Variants in TUBGCP6 observed in about 807,000 individuals in gnomAD.
TUBGCP6 encodes the protein gamma-tubulin complex component 6.
In TUBGCP6, 161 loss-of-function variants were observed where a neutral mutation model predicts 175.8. The observed-to-expected ratio is 0.92, with a 90% CI of 0.81 to 1.04. The LOEUF is 1.04. Among genes scored for constraint, TUBGCP6 ranks in the 50% least tolerant of loss-of-function variants. TUBGCP6 has a pLI of 0.00. For synonymous variants in TUBGCP6, 1,173 were observed against 1,030.5 expected (o/e 1.14, Z -2.65); for missense variants, 2,572 against 2,433.0 (o/e 1.06, Z -1.20).
chr22:50,222,496 A>G lies in TUBGCP6; in HGVS notation c.2367T>C (p.Ser789=). 1 of 1,613,762 alleles carries G rather than the reference A, an allele frequency of 6.2e-7. No homozygotes were observed. The highest frequency in any genetic ancestry group is 8.5e-7 in the Non-Finnish European group (1 of 1,180,006). ...LWRIQRHRLE[S]ARLRFLLEDE... is the part of the protein sequence containing the mutation. The stretch of plus-strand genomic sequence containing the variant: ...CTTCTAAGAGAAAACGAAGCCGTGC[A>G]CTCTCCAGTCGGTGCCTCTGGATTC... Residue 789 remains serine (S), a synonymous_variant, in exon 14 of 25, where the codon AGT becomes AGC. Transcript: ENST00000248846.
chr22:50,220,121 C>A, intron 16 of TUBGCP6, 106 bp from the exon 17 acceptor site: 1 of 1,548,708 alleles, frequency 6.5e-7, no homozygotes, highest in Non-Finnish European at 8.8e-7. Context: ...TCCCCCACAG[C>A]AGCCCAGGTC....
In TUBGCP6 at chr22:50,240,120, A is replaced by C. The variant is rs1243767482; in HGVS notation, c.905+84T>G. ...CACAACTGCCTGGACCCCTGAGTAC[A>C]CAACGCCCCCCACACACCCCATCCA... On this transcript the variant is annotated intron_variant, in intron 2 of 24. Coordinates refer to ENST00000248846, the MANE Select transcript of TUBGCP6 (RefSeq NM_020461.4). 1.4e-5 allele frequency: 22 copies of C among 1,574,688 alleles called. No individual in the cohort carries two copies. In the East Asian group the frequency reaches 5.1e-4, roughly 37 times the overall value.
Position 50,233,257 on chromosome 22 carries a change from TGCGTG to T in TUBGCP6, c.1116+54_1116+58del. The T allele has an allele frequency of 8.3e-6, 13 of 1,571,292 alleles. No individual in the cohort carries two copies. In the South Asian group the frequency reaches 1.4e-4, roughly 17 times the overall value. Reference sequence around the variant, plus strand: ...TTCTGCCCCATAAAGGGCTGGGCACTGCGTGGTGGAGGGCAGGCCAGCCCCACACC... The same window carrying T: ...TTCTGCCCCATAAAGGGCTGGGCACTGTGGAGGGCAGGCCAGCCCCACACC... On this transcript the variant is annotated intron_variant, in intron 3 of 24. Transcript: ENST00000248846.
Position 50,233,460 on chromosome 22 carries a change from G to A in TUBGCP6, c.972C>T (p.Cys324=), listed in dbSNP as rs201409206. 1.3e-5 allele frequency: 21 copies of A among 1,613,128 alleles called. No homozygotes were observed. Among genetic ancestry groups the A allele is most frequent in the Admixed American group, 8.3e-5 (5 of 59,916 alleles). Residue 324 remains cysteine, a synonymous_variant, in exon 3 of 25, where the codon TGC becomes TGT. Coordinates refer to ENST00000248846, the MANE Select transcript of TUBGCP6 (RefSeq NM_020461.4). The part of the protein sequence containing the change: ...EAGRDAFDKF[C]RLHQGELQLL... ...GCTGGAGCTCCCCTTGGTGGAGCCTGCAGAACTTGTCGAAAGCGTCCCTTC... is the reference window on the plus strand; with the variant it reads ...GCTGGAGCTCCCCTTGGTGGAGCCTACAGAACTTGTCGAAAGCGTCCCTTC...
chr22:50,227,526 G>T (rs541356572), intron 5 of TUBGCP6, among the ~76,000 whole-genome samples: 2 of 152,162 alleles, frequency 1.3e-5, no homozygotes, highest in African/African-American at 2.4e-5. Context: ...CTGGAAGGTC[G>T]CCTCTCCCAC....
chr22:50,218,838 C>T lies in TUBGCP6; in HGVS notation c.4686G>A (p.Leu1562=), dbSNP rs2147172971. ...GCAGGCTGCACTGCAGGGCCTTGCT[C>T]AGCACAGAGTTCAGCACCAGCGGGT... The part of the protein sequence containing the change: ...LLNPLVLNSV[L]SKALQCSLHG... The change falls in exon 21 of 25, where the codon CTG becomes CTA. Residue 1562 remains leucine, a synonymous_variant. Transcript: ENST00000248846. The T allele has an allele frequency of 6.2e-7, 1 of 1,614,034 alleles. No homozygotes were observed. Among genetic ancestry groups the T allele is most frequent in the Non-Finnish European group, 8.5e-7 (1 of 1,180,010 alleles).
chr22:50,236,135 A>T (rs1009466783), intron 2 of TUBGCP6, among the ~76,000 whole-genome samples: 6 of 151,828 alleles, frequency 4.0e-5, no homozygotes, highest in African/African-American at 1.5e-4. Flanking sequence ...AGAAAAAAAA[A>T]TTCACAATTT....
chr22:50,233,181 C>A (rs748426420), intron 3 of TUBGCP6, 135 bp downstream of exon 3: 18 of 917,596 alleles, frequency 2.0e-5, no homozygotes, highest in Non-Finnish European at 2.8e-5. Context: ...TCACTGGTGG[C>A]CCTGGGAGCT....
chr22:50,223,980 G>T, intron 13 of TUBGCP6, 161 bp downstream of exon 13: 1 of 651,946 alleles, frequency 1.5e-6, no homozygotes, highest in Non-Finnish European at 2.6e-6. Context: ...GGATAAGGCA[G>T]AACGCCCACA....
intron 13 of TUBGCP6, chr22:50,223,582 C>T (rs1754537938): frequency 6.5e-6 from 1 of 152,972 alleles, no homozygotes; most frequent in African/African-American, 2.4e-5. Flanking sequence ...AGTTTGAGAC[C>T]AGCCTGGCCA....
chr22:50,219,687 C>T lies in TUBGCP6; in HGVS notation c.4272G>A (p.Gly1424=), dbSNP rs777435355. 2 of 1,613,722 alleles carry T rather than the reference C, an allele frequency of 1.2e-6. No individual in the cohort carries two copies. Among genetic ancestry groups the T allele is most frequent in the South Asian group, 2.2e-5 (2 of 91,064 alleles). ...GEQAYLAGLA[G]QYHLERYPDS... The stretch of plus-strand genomic sequence containing the variant: ...CCGGGTACCGCTCCAAGTGGTACTG[C>T]CCTGCCAGGCCTGCCAGGTAGGCCT... The change falls in exon 18 of 25, where the codon GGG becomes GGA. Residue 1424 remains glycine (G), a synonymous_variant. Transcript: ENST00000248846.
At position 50,218,172 on chromosome 22, in the gene TUBGCP6, C is replaced by T. The variant is rs765806427; in HGVS notation, c.5168+17G>A. 7.6e-5 allele frequency: 122 copies of T among 1,610,018 alleles called. No homozygotes were observed. Among genetic ancestry groups the T allele is most frequent in the Non-Finnish European group, 9.6e-5 (113 of 1,178,666 alleles). On this transcript the variant is annotated intron_variant, in intron 23 of 24. Transcript: ENST00000248846. ...TGAGCCGTGACCACAGGGACGCAGCCGCTGCCCAGGCCTCACCTGAAGACG... is the reference window on the plus strand; with the variant it reads ...TGAGCCGTGACCACAGGGACGCAGCTGCTGCCCAGGCCTCACCTGAAGACG...
In TUBGCP6 at chr22:50,218,703, C is replaced by G; in HGVS notation, c.4821G>C (p.Lys1607Asn). Residue 1607 changes from lysine (K) to asparagine (N), a missense_variant and splice_region_variant, in exon 21 of 25, where the codon AAG (lysine) becomes AAC (asparagine). By Grantham distance (94) the Lys-to-Asn change is moderately conservative. Coordinates refer to ENST00000248846, the MANE Select transcript of TUBGCP6 (RefSeq NM_020461.4). The stretch of plus-strand genomic sequence containing the variant: ...CCCCGCGGCCAGGGCTGCTGCTGAC[C>G]TTGTACCTGAGCTCCAGGCAGCTCA... ...DVLSCLELRYKVDWPLNIVIT... is the reference protein window; with the variant it reads ...DVLSCLELRYNVDWPLNIVIT... 6.2e-7 allele frequency: 1 copy of G among 1,613,660 alleles called. No homozygotes were observed. Among genetic ancestry groups the G allele is most frequent in the Non-Finnish European group, 8.5e-7 (1 of 1,179,820 alleles).
At chr22:50,239,241 A>G (rs1038807769) in intron 2 of TUBGCP6, among the ~76,000 whole-genome samples, 81 of 152,228 alleles carry the variant, frequency 5.3e-4, no homozygotes, top group African/African-American at 1.8e-3. Context: ...CAGTGGTGCA[A>G]TCTCGGCTCA....
At position 50,219,195 on chromosome 22, in the gene TUBGCP6, T is replaced by C; in HGVS notation, c.4499A>G (p.Asn1500Ser). ...APLAAHISLV[N>S]KAAVDYFFVE... ...GAAGAAGTAGTCGACAGCGGCCTTG[T>C]TCACCAAGGAGATGCTGGCAGGAGG... is the stretch of plus-strand genomic sequence containing the variant. Residue 1500 changes from asparagine (N) to serine (S), a missense_variant, in exon 20 of 25, where the codon AAC becomes AGC. Physicochemically the swap from Asn to Ser is conservative, Grantham distance 46. Transcript: ENST00000248846. 1 of 1,611,538 alleles carries C rather than the reference T, an allele frequency of 6.2e-7. No individual in the cohort carries two copies. The highest frequency in any genetic ancestry group is 8.5e-7 in the Non-Finnish European group (1 of 1,179,986).
chr22:50,219,267 CGCAGGG>C lies in TUBGCP6; in HGVS notation c.4484+15_4484+20del, dbSNP rs371436261. 102 of 1,609,596 alleles carry C rather than the reference CGCAGGG, an allele frequency of 6.3e-5. No homozygotes were observed. The highest frequency in any genetic ancestry group is 5.0e-4 in the Middle Eastern group (3 of 5,954). On this transcript the variant is annotated intron_variant, in intron 19 of 24. Transcript: ENST00000248846. ...AGGACGGGCTGGGTGGGCAGACTGG[CGCAGGG>C]GCAGGGGCACTCACTGGGCGGCCAG... is the stretch of plus-strand genomic sequence containing the variant.
Position 50,219,112 on chromosome 22 carries a change from C to A in TUBGCP6, c.4582G>T (p.Asp1528Tyr), listed in dbSNP as rs543860732. 3 of 1,613,132 alleles carry A rather than the reference C, an allele frequency of 1.9e-6. No individual in the cohort carries two copies. In the African/African-American group the frequency reaches 4.0e-5, roughly 21 times the overall value. ...CTGAGGGACTGGGCGAACTCGCCGT[C>A]CTCCATCAGCAGGAAGTGCCGCAGT... Reference protein sequence around the residue: ...EALRHFLLMEDGEFAQSLSDL... With the variant: ...EALRHFLLMEYGEFAQSLSDL... Residue 1528 changes from aspartate (D) to tyrosine (Y), a missense_variant, in exon 20 of 25, where the codon GAC becomes TAC. Physicochemically the swap from Asp to Tyr is radical, Grantham distance 160. Coordinates refer to ENST00000248846, the MANE Select transcript of TUBGCP6 (RefSeq NM_020461.4).
chr22:50,228,854 C>T (rs534697794), intron 4 of TUBGCP6, among the ~76,000 whole-genome samples: 5 of 152,238 alleles, frequency 3.3e-5, no homozygotes, highest in African/African-American at 9.6e-5. Context: ...GCCCACCTTC[C>T]CCAACACCCT....
intron 1 of TUBGCP6, among the ~76,000 whole-genome samples, chr22:50,242,116 C>A (rs2064847337): frequency 6.6e-6 from 1 of 151,360 alleles, no homozygotes; most frequent in Non-Finnish European, 1.5e-5. Flanking sequence ...CACGGTGAAA[C>A]CCCGTCTCTA....
Sources: gnomAD v4.1 joint callset for allele counts (sites outside exome capture counted in the v4.1 genomes callset) on GRCh38, gnomAD v4.1.1 for gene constraint, MANE v1.5 for transcripts, NCBI Gene and HGNC (gene_info 2026-07-23, HGNC 2026-07-21) for gene names.